TMEM266: variants seen among roughly 807,000 people sequenced by gnomAD.
The protein encoded by TMEM266 is transmembrane protein 266.
Under a neutral mutation model 50.5 loss-of-function variants are expected in TMEM266, and 33 were observed. That is an observed-to-expected ratio of 0.65 (90% CI 0.50 to 0.87). The LOEUF is 0.87. Among genes scored for constraint, TMEM266 ranks in the 40% least tolerant of loss-of-function variants. The probability of loss-of-function intolerance (pLI) is 0.00; values close to 1 mark genes in which losing one functional copy is unlikely to be tolerated. For synonymous variants in TMEM266, 310 were observed against 292.3 expected (o/e 1.06, Z -0.62); for missense variants, 655 against 695.1 (o/e 0.94, Z 0.65).
intron 8 of TMEM266, among the ~76,000 whole-genome samples, chr15:76,189,738 C>T (rs1313679540): frequency 6.6e-6 from 1 of 152,144 alleles, no homozygotes; most frequent in Admixed American, 6.5e-5. Flanking sequence ...AGGGGTTTGT[C>T]CTTGGGAGAA....
rs1207341109 is a variant in TMEM266 at position 76,132,833 on chromosome 15, T to C, written c.-96-1335T>C. Among the ~76,000 whole-genome samples the C allele has an allele frequency of 1.3e-4, 17 of 133,738 alleles. No individual in the cohort carries two copies. In the East Asian group the frequency reaches 2.7e-3, roughly 21 times the overall value. 87.7% of individuals were successfully genotyped at this position (133,738 alleles called of 152,430 possible). A position where few individuals can be genotyped will look rare whatever the true frequency, so the allele number is the denominator to read the frequency against. ...ATAGTAATTATTATTATTATTATTA[T>C]TATTATTATTATTATTACTGGCCAG... On this transcript the variant is annotated intron_variant, in intron 1 of 10. Transcript: ENST00000388942.
intron 1 of TMEM266, among the ~76,000 whole-genome samples, chr15:76,085,289 G>C (rs1454933205): frequency 6.7e-6 from 1 of 148,326 alleles, no homozygotes; most frequent in Non-Finnish European, 1.5e-5. Context: ...ACGGAGTCTT[G>C]CTCTGTCGCC....
chr15:76,156,478 C>T, intron 3 of TMEM266, 126 bp from the exon 4 acceptor site: 1 of 967,046 alleles, frequency 1.0e-6, no homozygotes, highest in Non-Finnish European at 1.6e-6. Flanking sequence ...GCCATGAAGC[C>T]TAGAGCCAGG....
intron 3 of TMEM266, among the ~76,000 whole-genome samples, chr15:76,154,365 T>G (rs78747073): frequency 0.094 from 14,286 of 152,156 alleles, 992 homozygotes; most frequent in Admixed American, 0.21. Context: ...CCTTGCTTGG[T>G]GATTGGCCCC....
chr15:76,131,189 C>G (rs2037504859), intron 1 of TMEM266, among the ~76,000 whole-genome samples: 1 of 152,112 alleles, frequency 6.6e-6, no homozygotes, highest in African/African-American at 2.4e-5. Context: ...CCAACCTGGC[C>G]AACATGGTGA....
At chr15:76,073,135 T>C (rs1273751643) in intron 1 of TMEM266, among the ~76,000 whole-genome samples, 1 of 151,190 alleles carries the variant, frequency 6.6e-6, no homozygotes, top group Admixed American at 6.6e-5. Flanking sequence ...TTCACCATGT[T>C]GTTCAGGCTG....
chr15:76,103,340 CA>C (rs34638730), intron 1 of TMEM266, among the ~76,000 whole-genome samples: 42,444 of 145,020 alleles, frequency 0.29, 6,296 homozygotes, highest in African/African-American at 0.36. Context: ...CCATCTCTGC[CA>C]AAAAAAAAAA....
intron 7 of TMEM266, chr15:76,175,168 T>C: frequency 5.1e-6 from 1 of 196,632 alleles, no homozygotes; most frequent in Non-Finnish European, 1.0e-5. Context: ...CCATCCTCAC[T>C]GGCCCCAGCT....
At chr15:76,179,382 C>T (rs926708492) in intron 8 of TMEM266, among the ~76,000 whole-genome samples, 7 of 152,174 alleles carry the variant, frequency 4.6e-5, no homozygotes, top group African/African-American at 1.7e-4. Context: ...CCACACCTGC[C>T]CCACACACCC....
intron 3 of TMEM266, among the ~76,000 whole-genome samples, chr15:76,147,659 A>G (rs1358916292): frequency 6.6e-6 from 1 of 152,196 alleles, no homozygotes; most frequent in African/African-American, 2.4e-5. Context: ...TTAGACGAAA[A>G]CATTTTTCCT....
At chr15:76,172,919 C>T (rs775203933) in intron 7 of TMEM266, among the ~76,000 whole-genome samples, 8 of 152,166 alleles carry the variant, frequency 5.3e-5, no homozygotes, top group East Asian at 1.9e-4. Flanking sequence ...TGTGAACAGC[C>T]GCACACCCTC....
At chr15:76,096,242 C>T (rs1188001843) in intron 1 of TMEM266, among the ~76,000 whole-genome samples, 1 of 152,008 alleles carries the variant, frequency 6.6e-6, no homozygotes, top group East Asian at 1.9e-4. Flanking sequence ...CTCTTGTGGG[C>T]ATTTAGTGCT....
At chr15:76,098,926 C>G (rs561856969) in intron 1 of TMEM266, among the ~76,000 whole-genome samples, 32 of 152,088 alleles carry the variant, frequency 2.1e-4, no homozygotes, top group Non-Finnish European at 4.6e-4. Context: ...GCCCCTCCCC[C>G]CCACCAAGCT....
At chr15:76,071,003 C>T (rs1392412126) in intron 1 of TMEM266, among the ~76,000 whole-genome samples, 1 of 152,140 alleles carries the variant, frequency 6.6e-6, no homozygotes, top group African/African-American at 2.4e-5. Flanking sequence ...CCTGACACAC[C>T]CAGTCTGGTT....
intron 1 of TMEM266, among the ~76,000 whole-genome samples, chr15:76,108,030 CAG>C (rs1406881728): frequency 6.6e-6 from 1 of 152,234 alleles, no homozygotes; most frequent in Non-Finnish European, 1.5e-5. Context: ...TCTGGCTACC[CAG>C]CAGCCTAAAG....
intron 8 of TMEM266, among the ~76,000 whole-genome samples, chr15:76,181,969 G>A (rs8026620): frequency 2.6e-4 from 40 of 152,224 alleles, no homozygotes; most frequent in Middle Eastern, 3.4e-3. Context: ...CTTCTCTGAC[G>A]TTCTGCTTCC....
At chr15:76,166,659 C>T (rs965943245) in intron 5 of TMEM266, among the ~76,000 whole-genome samples, 1 of 152,238 alleles carries the variant, frequency 6.6e-6, no homozygotes, top group Admixed American at 6.5e-5. Context: ...GCTCCCTCCA[C>T]CCCTCACTCC....
At chr15:76,149,616 G>T (rs2037807837) in intron 3 of TMEM266, among the ~76,000 whole-genome samples, 1 of 152,104 alleles carries the variant, frequency 6.6e-6, no homozygotes, top group African/African-American at 2.4e-5. Flanking sequence ...TCCATTTCAG[G>T]GATTAGGAAA....
chr15:76,198,702 A>C (rs764086894), intron 9 of TMEM266, among the ~76,000 whole-genome samples: 14 of 152,238 alleles, frequency 9.2e-5, no homozygotes, highest in Non-Finnish European at 2.1e-4. Flanking sequence ...GGAGACAGTA[A>C]AATGTGGCTT....
Sources: allele counts gnomAD v4.1 joint callset (sites outside exome capture counted in the v4.1 genomes callset), GRCh38; gene constraint gnomAD v4.1.1; transcripts MANE v1.5; gene names NCBI Gene and HGNC (gene_info 2026-07-23, HGNC 2026-07-21).